Variants in RBFOX1 observed in about 807,000 individuals in gnomAD.
RBFOX1 encodes the protein RNA binding fox-1 homolog 1.
Under a neutral mutation model 57.7 loss-of-function variants are expected in RBFOX1, and 8 were observed. The ratio of observed to expected loss-of-function variants is 0.14; its 90% CI spans 0.08 to 0.25. The LOEUF is 0.25. Ranked by LOEUF, RBFOX1 falls within the 10% of genes least tolerant of loss-of-function variation. The pLI is 1.00. For synonymous variants in RBFOX1, 326 were observed against 222.4 expected, an observed-to-expected ratio of 1.47 and a Z score of -4.15; for missense variants, 611 against 548.5, an observed-to-expected ratio of 1.11 and a Z score of -1.14.
chr16:6,198,140 G>A (rs2097192600), intron 1 of RBFOX1, among the ~76,000 whole-genome samples: 1 of 152,126 alleles, frequency 6.6e-6, no homozygotes, highest in Non-Finnish European at 1.5e-5. Flanking sequence ...GATGAGGGGG[G>A]TGACAGGTGA....
chr16:7,205,530 A>G (rs987587489), intron 4 of RBFOX1, among the ~76,000 whole-genome samples: 3 of 150,370 alleles, frequency 2.0e-5, no homozygotes, highest in African/African-American at 7.4e-5. Flanking sequence ...AAAAAAAAAG[A>G]AAAAGAAAAA....
At chr16:6,808,004 T>C (rs562422728) in intron 3 of RBFOX1, among the ~76,000 whole-genome samples, 2 of 150,670 alleles carry the variant, frequency 1.3e-5, no homozygotes, top group African/African-American at 4.9e-5. Context: ...TGCATAGAAC[T>C]ATATATAATA....
At chr16:6,071,816 G>A (rs946204419) in intron 1 of RBFOX1, among the ~76,000 whole-genome samples, 16 of 152,120 alleles carry the variant, frequency 1.1e-4, no homozygotes, top group African/African-American at 3.9e-4. Flanking sequence ...CAGACACTTT[G>A]TATAAGTAGA....
At chr16:6,763,060 T>G (rs944050533) in intron 3 of RBFOX1, among the ~76,000 whole-genome samples, 1 of 152,152 alleles carries the variant, frequency 6.6e-6, no homozygotes, top group Non-Finnish European at 1.5e-5. Context: ...ATTAAGGTCC[T>G]ACAATATATC....
chr16:6,489,229 A>T (rs1287960402), intron 2 of RBFOX1, among the ~76,000 whole-genome samples: 1 of 152,230 alleles, frequency 6.6e-6, no homozygotes, highest in African/African-American at 2.4e-5. Flanking sequence ...TGGAAGAGCA[A>T]TTCTAACAAC....
intron 4 of RBFOX1, among the ~76,000 whole-genome samples, chr16:7,353,582 G>A (rs948958486): frequency 6.6e-6 from 1 of 152,130 alleles, no homozygotes; most frequent in Non-Finnish European, 1.5e-5. Context: ...CTAAGAAATG[G>A]ATAAACACGA....
At chr16:6,517,770 G>C (rs2096410092) in intron 2 of RBFOX1, among the ~76,000 whole-genome samples, 1 of 152,102 alleles carries the variant, frequency 6.6e-6, no homozygotes, top group South Asian at 2.1e-4. Flanking sequence ...TCATGGCCAA[G>C]ATTTTTCCAA....
intron 4 of RBFOX1, among the ~76,000 whole-genome samples, chr16:7,253,602 C>T (rs1426054396): frequency 6.6e-6 from 1 of 152,156 alleles, no homozygotes; most frequent in Non-Finnish European, 1.5e-5. Flanking sequence ...TCATTTCCAG[C>T]CTCTTTTCCT....
chr16:7,237,504 C>T (rs560577571), intron 4 of RBFOX1, among the ~76,000 whole-genome samples: 1 of 152,160 alleles, frequency 6.6e-6, no homozygotes, highest in African/African-American at 2.4e-5. Flanking sequence ...ATCTCATTAG[C>T]CTGAAGCACA....
intron 4 of RBFOX1, among the ~76,000 whole-genome samples, chr16:5,907,747 TC>T (rs1399723494): frequency 1.3e-5 from 2 of 149,772 alleles, no homozygotes; most frequent in Non-Finnish European, 2.9e-5. Flanking sequence ...ATCATCATCA[TC>T]ATCATCATCA....
chr16:5,387,483 G>T (rs546979670), intron 1 of RBFOX1, among the ~76,000 whole-genome samples: 13 of 152,312 alleles, frequency 8.5e-5, no homozygotes, highest in African/African-American at 2.6e-4. Flanking sequence ...GGCTACTGCT[G>T]CTCCAGTTAT....
chr16:5,953,664 C>A (rs529899401), intron 4 of RBFOX1, among the ~76,000 whole-genome samples: 1 of 150,704 alleles, frequency 6.6e-6, no homozygotes, highest in Admixed American at 6.6e-5. Flanking sequence ...CTGCGAATGC[C>A]ATTCATTCAT....
intron 3 of RBFOX1, among the ~76,000 whole-genome samples, chr16:5,642,020 G>A (rs1052014858): frequency 1.3e-5 from 2 of 152,214 alleles, no homozygotes; most frequent in Non-Finnish European, 1.5e-5. Flanking sequence ...TACCAAGGCT[G>A]CTGGTATCTG....
intron 1 of RBFOX1, among the ~76,000 whole-genome samples, chr16:6,277,458 C>CAA (rs59733415): frequency 2.6e-4 from 21 of 80,812 alleles, no homozygotes; most frequent in African/African-American, 7.7e-4. Flanking sequence ...GTCTGTCTCC[C>CAA]AAAAAAAAAA....
At chr16:7,616,086 G>T (rs11646221) in intron 10 of RBFOX1, among the ~76,000 whole-genome samples, 71,750 of 152,030 alleles carry the variant, frequency 0.47, 18,329 homozygotes, top group Non-Finnish European at 0.56. Context: ...ACTTTGATTT[G>T]ATACCACACA....
At chr16:6,748,070 CT>C (rs1207057152) in intron 3 of RBFOX1, among the ~76,000 whole-genome samples, 10 of 152,078 alleles carry the variant, frequency 6.6e-5, no homozygotes, top group African/African-American at 2.2e-4. Context: ...TTTCCTGATA[CT>C]TTTTTTGTGT....
intron 4 of RBFOX1, among the ~76,000 whole-genome samples, chr16:7,148,536 C>T (rs149615045): frequency 1.1e-4 from 16 of 152,304 alleles, no homozygotes; most frequent in South Asian, 2.1e-4. Flanking sequence ...GCCGCAGTGC[C>T]GAGTTCCCTG....
chr16:6,175,594 A>G (rs2096999971), intron 1 of RBFOX1, among the ~76,000 whole-genome samples: 1 of 152,104 alleles, frequency 6.6e-6, no homozygotes, highest in African/African-American at 2.4e-5. Context: ...TGTAGGAACT[A>G]GTGTTTCCTC....
chr16:6,532,470 C>T (rs770286609), intron 2 of RBFOX1, among the ~76,000 whole-genome samples: 8 of 152,168 alleles, frequency 5.3e-5, no homozygotes, highest in African/African-American at 1.4e-4. Context: ...CCTCCAGTTA[C>T]TTTCTGCTTT....
Sources: allele counts gnomAD v4.1 joint callset (sites outside exome capture counted in the v4.1 genomes callset), GRCh38; gene constraint gnomAD v4.1.1; transcripts MANE v1.5; gene names NCBI Gene and HGNC (gene_info 2026-07-23, HGNC 2026-07-21).